The following ZNF623 variants were observed in gnomAD, a reference collection of about 807,000 sequenced individuals.
ZNF623 encodes zinc finger protein 623.
Under a neutral mutation model 24.0 loss-of-function variants are expected in ZNF623, and 16 were observed. The observed-to-expected ratio is 0.67, with a 90% CI of 0.45 to 1.01. ZNF623 has a LOEUF of 1.01. Ranked by LOEUF, ZNF623 falls within the 50% of genes least tolerant of loss-of-function variation. The pLI, the probability that ZNF623 is intolerant of heterozygous loss-of-function variation, is 0.00. For synonymous variants in ZNF623, 224 were observed against 219.8 expected, an observed-to-expected ratio of 1.02 and a Z score of -0.17; for missense variants, 566 against 606.5, an observed-to-expected ratio of 0.93 and a Z score of 0.70.
In ZNF623 at chr8:143,644,026, T is replaced by G. The variant is rs949676460; in HGVS notation, c.-95-5872T>G. On this transcript the variant is annotated intron_variant, in intron 1 of 1. Coordinates refer to ENST00000526926, the MANE Select transcript of ZNF623 (RefSeq NM_001261843.2). ...GTCACAGCTCTGGTTTTGGTTTTTG[T>G]TTTTTATTTTTTGAGATGGAGTCTC... Among the ~76,000 whole-genome samples the G allele has an allele frequency of 7.9e-5, 12 of 152,178 alleles. No individual in the cohort carries two copies. The East Asian group carries it at 9.7e-4, about 12-fold the overall frequency.
rs772920181 is a variant in ZNF623, at chr8:143,650,914, G to A, written c.922G>A (p.Val308Ile). Residue 308 changes from valine (V) to isoleucine (I), a missense_variant, in exon 2 of 2, where the codon GTA becomes ATA. Coordinates refer to ENST00000526926, the MANE Select transcript of ZNF623 (RefSeq NM_001261843.2). The surrounding 1 kb of genome is among the most constrained non-coding windows in gnomAD (Gnocchi z 5.2). ...QRIHTGERPY[V>I]CNECGKRFSQ... ...GATCCATACTGGGGAGAGGCCTTAC[G>A]TATGCAATGAGTGTGGGAAGCGCTT... 1.9e-5 allele frequency: 31 copies of A among 1,613,884 alleles called. No homozygotes were observed. Among genetic ancestry groups the A allele is most frequent in the East Asian group, 1.6e-4 (7 of 44,856 alleles).
Position 143,650,583 on chromosome 8 carries a change from C to G in ZNF623, c.591C>G (p.Cys197Trp), listed in dbSNP as rs1325654309. ...ACACCAGAGAGAGACCTTTTGAATG[C>G]AAAGAGTGTGGGAAAGGCTTCAGTC... Reference protein sequence around the residue: ...RVHTRERPFECKECGKGFSQS... With the variant: ...RVHTRERPFEWKECGKGFSQS... Residue 197 changes from cysteine to tryptophan, a missense_variant, in exon 2 of 2, where the codon TGC becomes TGG. Coordinates refer to ENST00000526926, the MANE Select transcript of ZNF623 (RefSeq NM_001261843.2). The surrounding 1 kb of genome is among the most constrained non-coding windows in gnomAD (Gnocchi z 5.2). 1.9e-6 allele frequency: 3 copies of G among 1,614,162 alleles called. No homozygotes were observed. The highest frequency in any genetic ancestry group is 2.5e-6 in the Non-Finnish European group (3 of 1,180,038).
chr8:143,639,626 A>T (rs1397847468), intron 1 of ZNF623, among the ~76,000 whole-genome samples: 1 of 152,188 alleles, frequency 6.6e-6, no homozygotes, highest in Non-Finnish European at 1.5e-5. Flanking sequence ...AAGTGCTGTG[A>T]TTACAGGTGT....
chr8:143,653,278 T>C lies in ZNF623; in HGVS notation c.*1795T>C, dbSNP rs1587337827. 6.0e-6 allele frequency: 1 copy of C among 167,088 alleles called. No homozygotes were observed. The highest frequency in any genetic ancestry group is 1.9e-4 in the East Asian group (1 of 5,204). The allele number at this position is 167,088 out of a possible 1,614,324, so 10.4% of individuals were successfully genotyped here. On this transcript the variant is annotated 3_prime_UTR_variant, in exon 2 of 2. Transcript: ENST00000526926. ...TTGTAACGATATAATTTTTTTCTCATGAGGCCATATTTTGAGTTCTTAAAT... is the reference window on the plus strand; with the variant it reads ...TTGTAACGATATAATTTTTTTCTCACGAGGCCATATTTTGAGTTCTTAAAT...
Position 143,650,337 on chromosome 8 carries a change from G to A in ZNF623, c.345G>A (p.Gln115=). Reference sequence around the variant, plus strand: ...GGGAGAAACCTTACACGTGCGATCAGTGTGGGAAAGGCTTTGGCCAGAGCT... The same window carrying A: ...GGGAGAAACCTTACACGTGCGATCAATGTGGGAAAGGCTTTGGCCAGAGCT... ...HAGEKPYTCD[Q]CGKGFGQSSH... Residue 115 remains glutamine, a synonymous_variant, in exon 2 of 2, where the codon CAG becomes CAA. Transcript: ENST00000526926. The surrounding 1 kb of genome is among the most constrained non-coding windows in gnomAD (Gnocchi z 5.2). 1.9e-6 allele frequency: 3 copies of A among 1,614,258 alleles called. No individual in the cohort carries two copies. The highest frequency in any genetic ancestry group is 2.5e-6 in the Non-Finnish European group (3 of 1,180,048).
At position 143,649,814 on chromosome 8, in the gene ZNF623, G is replaced by A; in HGVS notation, c.-95-84G>A. 7 of 1,518,920 alleles carry A rather than the reference G, an allele frequency of 4.6e-6. No homozygotes were observed. In the South Asian group the frequency reaches 6.4e-5, roughly 14 times the overall value. The allele number at this position is 1,518,920 out of a possible 1,614,324, so 94.1% of individuals were successfully genotyped here. ...CAGAGGAAACACTTTCCACCTCTTG[G>A]ATATGGATTTTATCCTGCCCTGATT... On this transcript the variant is annotated intron_variant, in intron 1 of 1. Transcript: ENST00000526926.
Position 143,650,623 on chromosome 8 carries a change from A to G in ZNF623, c.631A>G (p.Ile211Val), listed in dbSNP as rs973715615. ...GKGFSQSSLLIRHQRIHTGER... is the reference protein window; with the variant it reads ...GKGFSQSSLLVRHQRIHTGER... ...AGGCTTCAGTCAGAGCTCCTTACTTATTCGCCATCAGAGGATTCACACGGG... is the reference window on the plus strand; with the variant it reads ...AGGCTTCAGTCAGAGCTCCTTACTTGTTCGCCATCAGAGGATTCACACGGG... The change falls in exon 2 of 2, where the codon ATT becomes GTT. Residue 211 changes from isoleucine (I) to valine (V), a missense_variant. Physicochemically the swap from Ile to Val is conservative, Grantham distance 29. This residue lies in a region of ZNF623 where 313 missense variants were observed against 300.4 expected (regional missense o/e 1.04). Coordinates refer to ENST00000526926, the MANE Select transcript of ZNF623 (RefSeq NM_001261843.2). The surrounding 1 kb of genome is among the most constrained non-coding windows in gnomAD (Gnocchi z 5.2). 6.8e-6 allele frequency: 11 copies of G among 1,613,952 alleles called. No homozygotes were observed. The highest frequency in any genetic ancestry group is 1.3e-5 in the African/African-American group (1 of 74,852).
Position 143,649,928 on chromosome 8 carries a change from TGACTGAAGCCTG to T in ZNF623, c.-62_-51del. On this transcript the variant is annotated 5_prime_UTR_variant, in exon 2 of 2. Coordinates refer to ENST00000526926, the MANE Select transcript of ZNF623 (RefSeq NM_001261843.2). ...AATGTAGGAACTGGTGAGAAGAAGG[TGACTGAAGCCTG>T]GATTTCTGAGGATGAAAACTCACAT... The T allele has an allele frequency of 6.2e-7, 1 of 1,613,320 alleles. No individual in the cohort carries two copies. The highest frequency in any genetic ancestry group is 8.5e-7 in the Non-Finnish European group (1 of 1,179,324).
chr8:143,637,201 C>T (rs1814944978), intron 1 of ZNF623, among the ~76,000 whole-genome samples: 1 of 152,238 alleles, frequency 6.6e-6, no homozygotes, highest in African/African-American at 2.4e-5. Flanking sequence ...GAAGCGCTCC[C>T]TGCCTAGCCT....
chr8:143,650,704 C>T lies in ZNF623; in HGVS notation c.712C>T (p.Leu238Phe). ...CGKSFIRSSS[L>F]IRHYQIHTEV... ...GAAATCCTTCATAAGGAGCTCGAGC[C>T]TCATTCGCCATTATCAGATCCACAC... The change falls in exon 2 of 2, where the codon CTC becomes TTC. Residue 238 changes from leucine (L) to phenylalanine (F), a missense_variant. Around this residue, in one of 3 missense-constraint regions of ZNF623, gnomAD observed 313 missense variants for 300.4 expected, o/e 1.04. Coordinates refer to ENST00000526926, the MANE Select transcript of ZNF623 (RefSeq NM_001261843.2). The surrounding 1 kb of genome is among the most constrained non-coding windows in gnomAD (Gnocchi z 5.2). 6.2e-7 allele frequency: 1 copy of T among 1,613,658 alleles called. No homozygotes were observed.
At chr8:143,648,899 G>A (rs1204100895) in intron 1 of ZNF623, among the ~76,000 whole-genome samples, 1 of 152,018 alleles carries the variant, frequency 6.6e-6, no homozygotes, top group Non-Finnish European at 1.5e-5. Flanking sequence ...GATAGGAGAA[G>A]TGGAAGGTCC....
chr8:143,636,195 C>T (rs1814914950), intron 1 of ZNF623, 50 bp downstream of exon 1: 1 of 152,168 alleles, frequency 6.6e-6, no homozygotes, highest in South Asian at 2.1e-4. Flanking sequence ...GCCGCAGCCC[C>T]GGCTGGCTCC....
chr8:143,638,944 G>A (rs565406349), intron 1 of ZNF623, among the ~76,000 whole-genome samples: 4 of 152,118 alleles, frequency 2.6e-5, no homozygotes, highest in African/African-American at 7.2e-5. Flanking sequence ...CCAGGCTGGA[G>A]TGCAATGGCG....
chr8:143,651,322 G>T lies in ZNF623; in HGVS notation c.1330G>T (p.Glu444Ter). 1 of 1,614,206 alleles carries T rather than the reference G, an allele frequency of 6.2e-7. No individual in the cohort carries two copies. Among genetic ancestry groups the T allele is most frequent in the Non-Finnish European group, 8.5e-7 (1 of 1,180,042 alleles). The change falls in exon 2 of 2, where the codon GAG (glutamate) becomes TAG (stop). Residue 444 changes from glutamate (E) to a stop codon, truncating the protein, a stop_gained. Transcript: ENST00000526926. LOFTEE classifies it high-confidence loss of function. Reference protein sequence around the residue: ...FLQHQKIHTEEKLYECSQYGR... With the variant: ...FLQHQKIHTE ...TCAACACCAGAAAATTCATACTGAAGAGAAGCTCTATGAATGTAGTCAGTA... is the reference window on the plus strand; with the variant it reads ...TCAACACCAGAAAATTCATACTGAATAGAAGCTCTATGAATGTAGTCAGTA...
In ZNF623 at chr8:143,652,537, C is replaced by T. The variant is rs1306227006; in HGVS notation, c.*1054C>T. 6.0e-6 allele frequency: 1 copy of T among 167,084 alleles called. No homozygotes were observed. Among genetic ancestry groups the T allele is most frequent in the African/African-American group, 2.4e-5 (1 of 41,438 alleles). 10.4% of individuals were successfully genotyped at this position (167,084 alleles called of 1,614,324 possible). On this transcript the variant is annotated 3_prime_UTR_variant, in exon 2 of 2. Transcript: ENST00000526926. Reference sequence around the variant, plus strand: ...CTCAGCCCTGCTACTGTCTGCTGCTCCTACTTAGAAGTTGCAGGCAATATC... The same window carrying T: ...CTCAGCCCTGCTACTGTCTGCTGCTTCTACTTAGAAGTTGCAGGCAATATC...
chr8:143,649,963 C>T lies in ZNF623; in HGVS notation c.-30C>T. 6.2e-7 allele frequency: 1 copy of T among 1,614,034 alleles called. No homozygotes were observed. The highest frequency in any genetic ancestry group is 8.5e-7 in the Non-Finnish European group (1 of 1,179,934). ...CTGGATTTCTGAGGATGAAAACTCA[C>T]ATAGGACGACGTCAGACAGACTCAC... is the stretch of plus-strand genomic sequence containing the variant. On this transcript the variant is annotated 5_prime_UTR_variant, in exon 2 of 2. Transcript: ENST00000526926.
At chr8:143,644,328 T>G (rs949041164) in intron 1 of ZNF623, among the ~76,000 whole-genome samples, 9 of 152,280 alleles carry the variant, frequency 5.9e-5, no homozygotes, top group South Asian at 2.1e-4. Context: ...CAGCTCTGGT[T>G]TTTAAACGAG....
Position 143,650,908 on chromosome 8 carries a change from C to T in ZNF623, c.916C>T (p.Pro306Ser). The T allele has an allele frequency of 6.2e-7, 1 of 1,614,056 alleles. No homozygotes were observed. The highest frequency in any genetic ancestry group is 8.5e-7 in the Non-Finnish European group (1 of 1,180,016). ...TCAGAGGATCCATACTGGGGAGAGG[C>T]CTTACGTATGCAATGAGTGTGGGAA... ...QHQRIHTGER[P>S]YVCNECGKRF... Residue 306 changes from proline to serine, a missense_variant, in exon 2 of 2, where the codon CCT (proline) becomes TCT (serine). Around this residue, in one of 3 missense-constraint regions of ZNF623, gnomAD observed 117 missense variants for 174.2 expected, o/e 0.67. Transcript: ENST00000526926. The surrounding 1 kb of genome is among the most constrained non-coding windows in gnomAD (Gnocchi z 5.2).
chr8:143,641,708 A>G (rs866217197), intron 1 of ZNF623, among the ~76,000 whole-genome samples: 1,584 of 117,816 alleles, frequency 0.013, 620 homozygotes, highest in African/African-American at 0.042. Context: ...CTCGTGATCC[A>G]CCCGCCTCGG....
Sources: allele counts gnomAD v4.1 joint callset (sites outside exome capture counted in the v4.1 genomes callset), GRCh38; gene constraint gnomAD v4.1.1; regional missense constraint gnomAD v4.1.1; non-coding constraint Gnocchi (gnomAD v3.1); transcripts MANE v1.5; gene names NCBI Gene and HGNC (gene_info 2026-07-23, HGNC 2026-07-21).